GON4L: variants seen among roughly 807,000 people sequenced by gnomAD.
The protein encoded by GON4L is GON-4-like protein.
In GON4L, 87 loss-of-function variants were observed where a neutral mutation model predicts 211.8. The observed-to-expected ratio is 0.41, with a 90% CI of 0.35 to 0.49. GON4L has a LOEUF of 0.49. GON4L is among the 20% of genes least tolerant of loss of function. The probability of loss-of-function intolerance (pLI) is 0.15; values close to 1 mark genes in which losing one functional copy is unlikely to be tolerated. For synonymous variants in GON4L, 875 were observed against 962.6 expected (o/e 0.91, Z 1.68); for missense variants, 2,155 against 2,659.5 (o/e 0.81, Z 4.17).
At chr1:155,764,275 C>T (rs983890686) in intron 21 of GON4L, among the ~76,000 whole-genome samples, 2 of 151,898 alleles carry the variant, frequency 1.3e-5, no homozygotes, top group Non-Finnish European at 2.9e-5. Context: ...TGTGCCACTA[C>T]GCCCAGCTAA....
intron 6 of GON4L, among the ~76,000 whole-genome samples, chr1:155,818,036 T>C (rs1668405541): frequency 6.6e-6 from 1 of 152,086 alleles, no homozygotes. Flanking sequence ...CACATCTATA[T>C]TCATGGCCAA....
At chr1:155,856,437 T>G (rs1460803196) in intron 1 of GON4L, among the ~76,000 whole-genome samples, 1 of 151,710 alleles carries the variant, frequency 6.6e-6, no homozygotes, top group Non-Finnish European at 1.5e-5. Context: ...GGTCTCGATT[T>G]GTTACCCAGG....
intron 19 of GON4L, among the ~76,000 whole-genome samples, chr1:155,770,023 T>TAAA (rs59380170): frequency 1.1e-4 from 5 of 43,712 alleles, no homozygotes; most frequent in African/African-American, 4.2e-4. Flanking sequence ...CTCCATTTCT[T>TAAA]AAAAAAAAAA....
At chr1:155,859,412 G>T (rs1047108462), upstream of GON4L, 5 of 200,762 alleles carry the variant, frequency 2.5e-5, no homozygotes, top group East Asian at 1.2e-4. Context: ...TTCCTGAAGG[G>T]GGCGAGGGCT....
Position 155,765,827 on chromosome 1 carries a change from G to A in GON4L, c.3646C>T (p.Pro1216Ser). Residue 1216 changes from proline to serine, a missense_variant, in exon 21 of 32, where the codon CCT (proline) becomes TCT (serine). Around this residue, in one of 6 missense-constraint regions of GON4L, gnomAD observed 615 missense variants for 625.7 expected, o/e 0.98. Transcript: ENST00000368331. ...TTATCTTCAGGGGTGGATGGTATAG[G>A]AAGATTCACAGAATTGCCAGAAACA... Reference protein sequence around the residue: ...LIVSGNSVNLPIPSTPEDKAH... With the variant: ...LIVSGNSVNLSIPSTPEDKAH... 1 of 1,614,178 alleles carries A rather than the reference G, an allele frequency of 6.2e-7. No homozygotes were observed. Among genetic ancestry groups the A allele is most frequent in the African/African-American group, 1.3e-5 (1 of 75,030 alleles).
chr1:155,811,754 C>CAAAAAAAAAAAAAAAA (rs145360103), intron 10 of GON4L, among the ~76,000 whole-genome samples: 15 of 33,048 alleles, frequency 4.5e-4, no homozygotes, highest in African/African-American at 2.2e-3. Flanking sequence ...GACTCTGTCT[C>CAAAAAAAAAAAAAAAA]AAAAAAAAAA....
chr1:155,789,214 T>C (rs952967619), intron 12 of GON4L, among the ~76,000 whole-genome samples: 2 of 152,106 alleles, frequency 1.3e-5, no homozygotes, highest in Admixed American at 6.6e-5. Context: ...TTGTGTCACA[T>C]AGGTACACAC....
At chr1:155,760,100 C>CCT (rs1661631831) in intron 24 of GON4L, among the ~76,000 whole-genome samples, 1 of 151,288 alleles carries the variant, frequency 6.6e-6, no homozygotes, top group Non-Finnish European at 1.5e-5. Context: ...CAATTGAGGT[C>CCT]AGGAATTGCT....
intron 10 of GON4L, among the ~76,000 whole-genome samples, chr1:155,811,845 G>A (rs902861240): frequency 6.7e-6 from 1 of 149,526 alleles, no homozygotes; most frequent in Non-Finnish European, 1.5e-5. Context: ...CGGGTCAGGA[G>A]ATCAAGATCA....
chr1:155,786,003 G>A (rs761499183), intron 12 of GON4L, among the ~76,000 whole-genome samples: 1 of 151,994 alleles, frequency 6.6e-6, no homozygotes, highest in Admixed American at 6.6e-5. Flanking sequence ...GGCTGAGGCA[G>A]GAGAATGGCG....
rs771809206 is a variant in GON4L at position 155,853,537 on chromosome 1, T to A, written c.244A>T (p.Met82Leu). The A allele has an allele frequency of 5.0e-6, 8 of 1,614,188 alleles. No homozygotes were observed. The highest frequency in any genetic ancestry group is 6.8e-6 in the Non-Finnish European group (8 of 1,180,008). ...GMEDTSLSSG[M>L]LTQNTNVPIL... ...GGTACATTTGTGTTCTGGGTGAGCA[T>A]TCCAGAGCTCAGAGATGTATCCTCC... The change falls in exon 2 of 32, where the codon ATG becomes TTG. Residue 82 changes from methionine to leucine, a missense_variant. By Grantham distance (15) the Met-to-Leu change is conservative. Transcript: ENST00000368331.
chr1:155,788,466 A>T (rs1296858581), intron 12 of GON4L, among the ~76,000 whole-genome samples: 1 of 152,176 alleles, frequency 6.6e-6, no homozygotes, highest in African/African-American at 2.4e-5. Flanking sequence ...GATAAATGAA[A>T]TACGGCTTTT....
intron 11 of GON4L, among the ~76,000 whole-genome samples, chr1:155,796,497 C>G (rs1301386590): frequency 1.3e-5 from 2 of 151,964 alleles, no homozygotes; most frequent in East Asian, 3.9e-4. Flanking sequence ...AAGCTGGTCT[C>G]GAACTCCTGA....
intron 3 of GON4L, among the ~76,000 whole-genome samples, chr1:155,822,946 C>A (rs1324436330): frequency 6.6e-6 from 1 of 152,170 alleles, no homozygotes; most frequent in African/African-American, 2.4e-5. Flanking sequence ...CAGGCATGTG[C>A]CACCATGCCC....
chr1:155,832,574 G>A (rs1342393267), intron 2 of GON4L, among the ~76,000 whole-genome samples: 2 of 152,180 alleles, frequency 1.3e-5, no homozygotes, highest in Non-Finnish European at 2.9e-5. Context: ...AGGAAGTGGA[G>A]GTTGTGGTGA....
chr1:155,837,651 G>A (rs1447883506), intron 2 of GON4L, among the ~76,000 whole-genome samples: 3 of 151,766 alleles, frequency 2.0e-5, no homozygotes, highest in Non-Finnish European at 4.4e-5. Context: ...GAGAAACAAA[G>A]GGAAAGGTAC....
chr1:155,759,290 G>A (rs1661516272), intron 24 of GON4L, among the ~76,000 whole-genome samples: 2 of 152,006 alleles, frequency 1.3e-5, no homozygotes. Context: ...AAAATTTTTT[G>A]GCCAAGTGTG....
intron 11 of GON4L, among the ~76,000 whole-genome samples, chr1:155,801,112 CAAAAAAAAAAAAAA>C (rs367752032): frequency 1.4e-5 from 1 of 73,634 alleles, no homozygotes; most frequent in Non-Finnish European, 2.4e-5. Flanking sequence ...TGCTGCTGCT[CAAAAAAAAAAAAAA>C]AAAAAAAAAG....
chr1:155,785,733 G>A (rs368272667), intron 12 of GON4L, among the ~76,000 whole-genome samples: 1 of 152,050 alleles, frequency 6.6e-6, no homozygotes, highest in African/African-American at 2.4e-5. Context: ...AGCCCAACTC[G>A]GCCTCCCAAA....
Sources: allele counts gnomAD v4.1 joint callset (sites outside exome capture counted in the v4.1 genomes callset), GRCh38; gene constraint gnomAD v4.1.1; regional missense constraint gnomAD v4.1.1; transcripts MANE v1.5; gene names NCBI Gene and HGNC (gene_info 2026-07-23, HGNC 2026-07-21).